Variants in RBFOX1 observed in about 807,000 individuals in gnomAD.
RBFOX1 encodes the protein RNA binding protein fox-1 homolog 1.
A neutral mutation model predicts 57.7 loss-of-function variants in RBFOX1; 8 were observed. The ratio of observed to expected loss-of-function variants is 0.14; its 90% CI spans 0.08 to 0.25. The LOEUF (loss-of-function observed/expected upper bound fraction) is 0.25, where lower values mean the gene tolerates loss of function less well. Among genes scored for constraint, RBFOX1 ranks in the 10% least tolerant of loss-of-function variants. The pLI is 1.00. For missense variants in RBFOX1, 611 were observed against 548.5 expected, an observed-to-expected ratio of 1.11 and a Z score of -1.14; for synonymous variants, 326 against 222.4, an observed-to-expected ratio of 1.47 and a Z score of -4.15.
intron 3 of RBFOX1, among the ~76,000 whole-genome samples, chr16:6,788,469 T>C (rs2082337411): frequency 6.6e-6 from 1 of 151,510 alleles, no homozygotes; most frequent in Non-Finnish European, 1.5e-5. Context: ...ATTATTTATT[T>C]ATTTTTTATT....
intron 4 of RBFOX1, among the ~76,000 whole-genome samples, chr16:7,487,322 C>T (rs556041732): frequency 2.6e-5 from 4 of 152,174 alleles, no homozygotes; most frequent in African/African-American, 4.8e-5. Context: ...CTGTCTTGCT[C>T]CACGCCCTCA....
At chr16:5,490,023 C>T (rs1234897590) in intron 2 of RBFOX1, among the ~76,000 whole-genome samples, 1 of 152,246 alleles carries the variant, frequency 6.6e-6, no homozygotes, top group Non-Finnish European at 1.5e-5. Context: ...GCAGGCTGAC[C>T]TCGGCCACTG....
chr16:5,964,772 T>TAC (rs1188197986), intron 4 of RBFOX1, among the ~76,000 whole-genome samples: 4 of 151,966 alleles, frequency 2.6e-5, no homozygotes, highest in South Asian at 2.1e-4. Flanking sequence ...TATATATATA[T>TAC]ACACACATAT....
At chr16:5,758,445 C>T (rs945074766) in intron 3 of RBFOX1, among the ~76,000 whole-genome samples, 6 of 152,108 alleles carry the variant, frequency 3.9e-5, no homozygotes, top group Admixed American at 3.9e-4. Flanking sequence ...GAGAGGTTGG[C>T]CTCAGCAATT....
intron 3 of RBFOX1, among the ~76,000 whole-genome samples, chr16:6,853,204 C>G (rs1160317632): frequency 6.6e-6 from 1 of 152,046 alleles, no homozygotes; most frequent in African/African-American, 2.4e-5. Context: ...GGTGTTTACC[C>G]TTAGGGCTTT....
At chr16:6,501,000 C>T (rs74951496) in intron 2 of RBFOX1, among the ~76,000 whole-genome samples, 16,790 of 151,360 alleles carry the variant, frequency 0.11, 1,726 homozygotes, top group East Asian at 0.43. Context: ...GGCAGAGCCC[C>T]TTCCTCCCAG....
chr16:6,718,718 T>G lies in RBFOX1; in HGVS notation c.-16+64068T>G, dbSNP rs148162330. Among the ~76,000 whole-genome samples the G allele has an allele frequency of 1.1e-4, 16 of 152,284 alleles. No individual in the cohort carries two copies. In the East Asian group the frequency reaches 2.9e-3, roughly 28 times the overall value. On this transcript the variant is annotated intron_variant, in intron 3 of 15. Transcript: ENST00000550418. ...CACAAGATCTGGTTGTTGAAAAGTG[T>G]GTACCACTCACTGAAGGTAACCATA... is the stretch of plus-strand genomic sequence containing the variant.
intron 2 of RBFOX1, among the ~76,000 whole-genome samples, chr16:6,585,642 C>T (rs1300623785): frequency 6.6e-6 from 1 of 152,130 alleles, no homozygotes; most frequent in Non-Finnish European, 1.5e-5. Flanking sequence ...GACATAGACT[C>T]TTTCTGTTTA....
intron 2 of RBFOX1, among the ~76,000 whole-genome samples, chr16:5,575,208 G>C (rs1291391728): frequency 6.6e-6 from 1 of 152,142 alleles, no homozygotes; most frequent in Non-Finnish European, 1.5e-5. Flanking sequence ...TGAATAGTTT[G>C]TTTCTTAATT....
intron 1 of RBFOX1, among the ~76,000 whole-genome samples, chr16:6,215,198 G>A (rs1440827966): frequency 7.9e-6 from 1 of 126,822 alleles, no homozygotes; most frequent in Non-Finnish European, 1.7e-5. Context: ...AGGAGAGGAG[G>A]ATAAGGAGAG....
chr16:7,219,368 T>G (rs1046270716), intron 4 of RBFOX1, among the ~76,000 whole-genome samples: 6 of 152,152 alleles, frequency 3.9e-5, no homozygotes, highest in African/African-American at 1.4e-4. Flanking sequence ...AAAGGAGTGT[T>G]GGGTAAACAC....
At chr16:6,439,809 G>A (rs2094329405) in intron 2 of RBFOX1, among the ~76,000 whole-genome samples, 1 of 152,056 alleles carries the variant, frequency 6.6e-6, no homozygotes, top group South Asian at 2.1e-4. Flanking sequence ...AAACACACCT[G>A]AATGAACCAA....
chr16:7,096,826 G>GGGGGCT (rs1006932410), intron 4 of RBFOX1, among the ~76,000 whole-genome samples: 15 of 151,828 alleles, frequency 9.9e-5, no homozygotes, highest in African/African-American at 3.6e-4. Flanking sequence ...CAGCTACGTA[G>GGGGGCT]GGGGCTGAGG....
Position 7,425,287 on chromosome 16 carries a change from C to G in RBFOX1, c.28-92860C>G, listed in dbSNP as rs114579176. On this transcript the variant is annotated intron_variant, in intron 4 of 15. Coordinates refer to ENST00000550418, the MANE Select transcript of RBFOX1 (RefSeq NM_018723.4). ...AGAGAAGTGGGGTTTAATTTTTTCA[C>G]TATGACTTCTTATAAACCCGCAAGG... Among the ~76,000 whole-genome samples, 474 of 152,286 alleles carry G rather than the reference C, an allele frequency of 3.1e-3. 4 individuals carry two copies. The highest frequency in any genetic ancestry group is 0.011 in the African/African-American group (458 of 41,570).
At chr16:6,719,542 G>A (rs1258247722) in intron 3 of RBFOX1, among the ~76,000 whole-genome samples, 1 of 151,338 alleles carries the variant, frequency 6.6e-6, no homozygotes, top group African/African-American at 2.4e-5. Context: ...CTGGGTTCAT[G>A]CCATTCTTCT....
chr16:7,062,862 T>A (rs533858681), intron 4 of RBFOX1, among the ~76,000 whole-genome samples: 2 of 141,364 alleles, frequency 1.4e-5, no homozygotes, highest in South Asian at 4.8e-4. Flanking sequence ...ATCCGTCCCT[T>A]AAGCTACCTC....
chr16:6,149,013 C>T (rs569824935), intron 1 of RBFOX1, among the ~76,000 whole-genome samples: 5 of 152,272 alleles, frequency 3.3e-5, no homozygotes, highest in Admixed American at 2.0e-4. Context: ...GCCATCTCAT[C>T]GAGGCCCCAA....
chr16:5,942,815 A>G (rs1048053806), intron 4 of RBFOX1, among the ~76,000 whole-genome samples: 4 of 152,148 alleles, frequency 2.6e-5, no homozygotes, highest in African/African-American at 9.7e-5. Context: ...ACTTTTTGCA[A>G]AGGCACTTTC....
chr16:6,412,578 C>A (rs1418217098), intron 2 of RBFOX1, among the ~76,000 whole-genome samples: 1 of 152,160 alleles, frequency 6.6e-6, no homozygotes, highest in Non-Finnish European at 1.5e-5. Flanking sequence ...TTCACCATGC[C>A]TCATAATAAG....
Sources: allele counts gnomAD v4.1 joint callset (sites outside exome capture counted in the v4.1 genomes callset), GRCh38; gene constraint gnomAD v4.1.1; transcripts MANE v1.5; gene names NCBI Gene and HGNC (gene_info 2026-07-23, HGNC 2026-07-21).